PTPRD: variants seen among roughly 807,000 people sequenced by gnomAD.
PTPRD encodes the protein protein tyrosine phosphatase receptor type D, also known as receptor-type tyrosine-protein phosphatase delta.
In PTPRD, 34 loss-of-function variants were observed where a neutral mutation model predicts 214.5. That is an observed-to-expected ratio of 0.16 (90% CI 0.12 to 0.21). The LOEUF is 0.21. Among genes scored for constraint, PTPRD ranks in the 10% least tolerant of loss-of-function variants. PTPRD has a pLI of 1.00. For synonymous variants in PTPRD, 1,128 were observed against 845.7 expected, an observed-to-expected ratio of 1.33 and a Z score of -5.79; for missense variants, 2,545 against 2,398.7, an observed-to-expected ratio of 1.06 and a Z score of -1.27.
chr9:8,427,797 C>T (rs1440236650), intron 35 of PTPRD, among the ~76,000 whole-genome samples: 1 of 152,026 alleles, frequency 6.6e-6, no homozygotes, highest in African/African-American at 2.4e-5. Flanking sequence ...CACATTCTAA[C>T]ATCTCTGAAA....
chr9:9,457,982 T>C (rs745697318), intron 8 of PTPRD, among the ~76,000 whole-genome samples: 4 of 145,904 alleles, frequency 2.7e-5, no homozygotes, highest in African/African-American at 7.9e-5. Context: ...AAGTATTTCA[T>C]AAATAATAAG....
At chr9:9,033,630 A>C (rs905384451) in intron 10 of PTPRD, among the ~76,000 whole-genome samples, 1 of 152,052 alleles carries the variant, frequency 6.6e-6, no homozygotes, top group African/African-American at 2.4e-5. Flanking sequence ...ATTGGCTGCA[A>C]TTCTGAATGT....
At chr9:9,190,074 T>C (rs1163284151) in intron 9 of PTPRD, among the ~76,000 whole-genome samples, 1 of 152,112 alleles carries the variant, frequency 6.6e-6, no homozygotes, top group African/African-American at 2.4e-5. Context: ...TTTGAATGTG[T>C]CCTCCAAAGT....
At chr9:9,999,676 A>G (rs2096261410) in intron 4 of PTPRD, among the ~76,000 whole-genome samples, 1 of 152,206 alleles carries the variant, frequency 6.6e-6, no homozygotes, top group African/African-American at 2.4e-5. Flanking sequence ...TCTGGTTGTA[A>G]AATTCTAATT....
chr9:8,550,920 C>G (rs369760418), intron 14 of PTPRD, among the ~76,000 whole-genome samples: 1 of 152,274 alleles, frequency 6.6e-6, no homozygotes, highest in Middle Eastern at 3.4e-3. Context: ...GGCCTGTCTT[C>G]GACAGTGAGC....
chr9:9,256,541 G>A (rs1456051545), intron 9 of PTPRD, among the ~76,000 whole-genome samples: 2 of 151,816 alleles, frequency 1.3e-5, no homozygotes, highest in African/African-American at 2.4e-5. Flanking sequence ...TTTCTCAGGA[G>A]GACCCTTTAA....
intron 30 of PTPRD, among the ~76,000 whole-genome samples, chr9:8,481,982 C>T (rs1228689607): frequency 6.6e-6 from 1 of 151,996 alleles, no homozygotes; most frequent in African/African-American, 2.4e-5. Context: ...GGGGTTTTGC[C>T]ATTTTGGTCA....
intron 5 of PTPRD, among the ~76,000 whole-genome samples, chr9:9,856,743 T>A (rs2153681126): frequency 6.6e-6 from 1 of 152,304 alleles, no homozygotes; most frequent in Admixed American, 6.5e-5. Context: ...GATACTTTTC[T>A]CAGCTGAACT....
intron 9 of PTPRD, among the ~76,000 whole-genome samples, chr9:9,273,621 A>G (rs1313021173): frequency 1.3e-5 from 2 of 151,324 alleles, no homozygotes; most frequent in African/African-American, 4.8e-5. Flanking sequence ...TTCAAAATGT[A>G]TAGCATGTAC....
chr9:10,075,347 A>T (rs2098115979), intron 3 of PTPRD, among the ~76,000 whole-genome samples: 1 of 152,064 alleles, frequency 6.6e-6, no homozygotes. Flanking sequence ...GATAATTGTG[A>T]AAAAACAGAT....
chr9:9,257,929 A>G (rs62534656), intron 9 of PTPRD, among the ~76,000 whole-genome samples: 21,999 of 152,038 alleles, frequency 0.14, 1,858 homozygotes, highest in Middle Eastern at 0.21. Flanking sequence ...AAAATCACAT[A>G]CAATGCTATT....
intron 4 of PTPRD, among the ~76,000 whole-genome samples, chr9:9,989,032 A>AG (rs1566949846): frequency 7.0e-6 from 1 of 142,156 alleles, no homozygotes; most frequent in African/African-American, 2.9e-5. Flanking sequence ...AAAAAAAAAA[A>AG]AAAAAAAAAA....
intron 4 of PTPRD, among the ~76,000 whole-genome samples, chr9:10,003,208 C>T (rs1205163630): frequency 6.6e-6 from 1 of 151,586 alleles, no homozygotes; most frequent in Non-Finnish European, 1.5e-5. Context: ...ATGACACATC[C>T]ACAGAATTAC....
chr9:10,332,416 C>T (rs572205506), intron 3 of PTPRD, among the ~76,000 whole-genome samples: 2 of 151,896 alleles, frequency 1.3e-5, no homozygotes, highest in African/African-American at 4.8e-5. Context: ...AAACAGCTTT[C>T]AGCAGTAGGA....
intron 9 of PTPRD, among the ~76,000 whole-genome samples, chr9:9,347,204 A>G (rs1054259158): frequency 2.0e-5 from 3 of 151,934 alleles, no homozygotes; most frequent in Non-Finnish European, 2.9e-5. Context: ...GTTTGAAAAG[A>G]TGATTAGATT....
chr9:9,676,090 G>T (rs1311418186), intron 7 of PTPRD, among the ~76,000 whole-genome samples: 1 of 151,868 alleles, frequency 6.6e-6, no homozygotes, highest in African/African-American at 2.4e-5. Context: ...TATTCTAAAA[G>T]AATTTTGTGT....
At chr9:8,753,236 G>A (rs1409780764) in intron 11 of PTPRD, among the ~76,000 whole-genome samples, 1 of 152,134 alleles carries the variant, frequency 6.6e-6, no homozygotes, top group Non-Finnish European at 1.5e-5. Context: ...GTCCTAAAAT[G>A]TCCTTAACCA....
In PTPRD at chr9:10,438,552, G is replaced by T. The variant is rs146389003; in HGVS notation, c.-599-97535C>A. 5.5e-3 allele frequency among the ~76,000 whole-genome samples: 838 copies of T among 151,662 alleles called. 9 individuals are homozygous for T. Among genetic ancestry groups the T allele is most frequent in the African/African-American group, 0.019 (784 of 41,464 alleles). On this transcript the variant is annotated intron_variant, in intron 2 of 45. Transcript: ENST00000381196. ...TTTTGTTTCCGCCACTCCCAAGGTTGTCTGGCAACTGGTTGATTTCACATT... is the reference window on the plus strand; with the variant it reads ...TTTTGTTTCCGCCACTCCCAAGGTTTTCTGGCAACTGGTTGATTTCACATT...
At chr9:9,779,258 G>A (rs1467869009) in intron 5 of PTPRD, among the ~76,000 whole-genome samples, 2 of 151,974 alleles carry the variant, frequency 1.3e-5, no homozygotes, top group East Asian at 3.9e-4. Context: ...AATCCTAGAA[G>A]AAAACCTAGA....
Sources: gnomAD v4.1 joint callset for allele counts (sites outside exome capture counted in the v4.1 genomes callset) on GRCh38, gnomAD v4.1.1 for gene constraint, MANE v1.5 for transcripts, NCBI Gene and HGNC (gene_info 2026-07-23, HGNC 2026-07-21) for gene names.